The following PCDH15 variants were observed in gnomAD, a reference collection of about 807,000 sequenced individuals.
PCDH15 encodes the protein protocadherin related 15, also known as protocadherin-15.
A neutral mutation model predicts 178.5 loss-of-function variants in PCDH15; 129 were observed. The observed-to-expected ratio is 0.72, with a 90% confidence interval of 0.63 to 0.84. The LOEUF (loss-of-function observed/expected upper bound fraction) is 0.84. Among genes scored for constraint, PCDH15 ranks in the 40% least tolerant of loss-of-function variants. PCDH15 has a pLI of 0.00. For missense variants in PCDH15, 2,230 were observed against 2,099.9 expected (o/e 1.06, Z -1.21); for synonymous variants, 800 against 732.0 (o/e 1.09, Z -1.50).
At chr10:54,958,492 T>C (rs1838552402) in intron 2 of PCDH15, among the ~76,000 whole-genome samples, 1 of 151,846 alleles carries the variant, frequency 6.6e-6, no homozygotes, top group Non-Finnish European at 1.5e-5. Flanking sequence ...AACTGTTACT[T>C]GACTCTCCCA....
chr10:55,108,137 C>CA (rs1365719791), intron 2 of PCDH15, among the ~76,000 whole-genome samples: 1 of 152,022 alleles, frequency 6.6e-6, no homozygotes, highest in East Asian at 1.9e-4. Context: ...CATCAGACAC[C>CA]AAAATTGCTG....
At chr10:54,903,504 C>T (rs1279018439) in intron 2 of PCDH15, among the ~76,000 whole-genome samples, 1 of 151,228 alleles carries the variant, frequency 6.6e-6, no homozygotes, top group Non-Finnish European at 1.5e-5. Context: ...AATATTGTAA[C>T]TACAAAAACA....
chr10:53,809,442 T>G lies in PCDH15; in HGVS notation c.4671+1114A>C, dbSNP rs16937769. 6,825 of 1,614,020 alleles carry G rather than the reference T, an allele frequency of 4.2e-3. 148 individuals carry two copies. In the East Asian group the frequency reaches 0.057, roughly 14 times the overall value. On this transcript the variant is annotated intron_variant, in intron 37 of 37. Transcript: ENST00000644397. ...TTCTGGCTCTCTTCCATGTTGTGTA[T>G]GTAGGCTCAGCTGCTGGTGGTTTTT...
At chr10:54,012,040 T>G (rs1026086539) in intron 20 of PCDH15, among the ~76,000 whole-genome samples, 1 of 152,080 alleles carries the variant, frequency 6.6e-6, no homozygotes, top group East Asian at 1.9e-4. Flanking sequence ...AAACTAAGGA[T>G]TACAATAAAA....
intron 21 of PCDH15, among the ~76,000 whole-genome samples, chr10:53,980,989 T>G (rs931059786): frequency 1.3e-5 from 2 of 152,218 alleles, no homozygotes; most frequent in African/African-American, 2.4e-5. Context: ...TCCTTTTATC[T>G]GCTAAATTTG....
At chr10:54,239,190 A>C (rs1564760916) in intron 8 of PCDH15, among the ~76,000 whole-genome samples, 1 of 152,076 alleles carries the variant, frequency 6.6e-6, no homozygotes, top group East Asian at 1.9e-4. Context: ...ATTTCTATAG[A>C]TTTGCTAAGT....
chr10:55,226,783 T>C (rs1420420724), intron 1 of PCDH15, among the ~76,000 whole-genome samples: 1 of 151,944 alleles, frequency 6.6e-6, no homozygotes, highest in Non-Finnish European at 1.5e-5. Flanking sequence ...ACAGAAAATA[T>C]TTAAAAATCC....
intron 8 of PCDH15, among the ~76,000 whole-genome samples, chr10:54,311,541 C>T (rs2060909313): frequency 6.6e-6 from 1 of 151,932 alleles, no homozygotes; most frequent in Non-Finnish European, 1.5e-5. Flanking sequence ...TAAGAATAAA[C>T]ATACATAATA....
intron 17 of PCDH15, among the ~76,000 whole-genome samples, chr10:54,076,160 T>A (rs1287525727): frequency 6.6e-6 from 1 of 152,172 alleles, no homozygotes; most frequent in Admixed American, 6.5e-5. Context: ...GTTTTCATTA[T>A]ACAAGTCTTT....
chr10:53,973,093 A>G lies in PCDH15; in HGVS notation c.2869-11201T>C, dbSNP rs376766707. ...TAAGAAAATGTGGCACATATACACC[A>G]TGGAATACTCTGCAGCCATAAAAAA... On this transcript the variant is annotated intron_variant, in intron 21 of 37. Transcript: ENST00000644397. 7.6e-4 allele frequency among the ~76,000 whole-genome samples: 116 copies of G among 152,216 alleles called. 1 individual carries two copies. The South Asian group carries it at 0.018, about 24-fold the overall frequency.
intron 18 of PCDH15, among the ~76,000 whole-genome samples, chr10:54,031,061 T>C (rs1370795789): frequency 6.6e-6 from 1 of 151,958 alleles, no homozygotes; most frequent in Non-Finnish European, 1.5e-5. Flanking sequence ...GGTCAACGTA[T>C]CACCTATACT....
intron 2 of PCDH15, among the ~76,000 whole-genome samples, chr10:55,349,364 T>C (rs944994497): frequency 2.6e-5 from 4 of 152,198 alleles, no homozygotes; most frequent in African/African-American, 9.6e-5. Context: ...ATAGTTTTCA[T>C]GTATTTTTTC....
At chr10:54,189,443 T>C (rs1239675554) in intron 11 of PCDH15, 2 of 1,288,702 alleles carry the variant, frequency 1.6e-6, no homozygotes, top group East Asian at 5.5e-5. Flanking sequence ...CAACCGCACA[T>C]ATGAAGAAAA....
At chr10:54,548,533 T>C (rs1454361711) in intron 2 of PCDH15, among the ~76,000 whole-genome samples, 1 of 145,212 alleles carries the variant, frequency 6.9e-6, no homozygotes, top group Non-Finnish European at 1.5e-5. Flanking sequence ...TCTGTACCTT[T>C]ATATATATAT....
intron 3 of PCDH15, among the ~76,000 whole-genome samples, chr10:54,524,491 G>A (rs144596605): frequency 6.6e-6 from 1 of 152,156 alleles, no homozygotes; most frequent in Non-Finnish European, 1.5e-5. Context: ...TTGCTGTAAA[G>A]CAGCCAAGGA....
chr10:54,716,708 C>T (rs2132435029), intron 1 of PCDH15, among the ~76,000 whole-genome samples: 1 of 152,058 alleles, frequency 6.6e-6, no homozygotes, highest in Middle Eastern at 3.4e-3. Flanking sequence ...AGATTCAATG[C>T]CATCCCCATC....
intron 1 of PCDH15, among the ~76,000 whole-genome samples, chr10:55,261,582 C>G (rs1490130640): frequency 6.6e-6 from 1 of 152,106 alleles, no homozygotes; most frequent in East Asian, 1.9e-4. Flanking sequence ...CACTATTAAA[C>G]AAATACATCC....
intron 2 of PCDH15, among the ~76,000 whole-genome samples, chr10:55,533,125 C>G (rs1841491277): frequency 6.6e-6 from 1 of 152,044 alleles, no homozygotes; most frequent in African/African-American, 2.4e-5. Flanking sequence ...CAACATCATA[C>G]TGAATGGGCA....
At chr10:54,282,271 A>C (rs1436591401) in intron 8 of PCDH15, among the ~76,000 whole-genome samples, 2 of 152,084 alleles carry the variant, frequency 1.3e-5, no homozygotes, top group African/African-American at 4.8e-5. Flanking sequence ...TTTTAGTAGG[A>C]TCTTCAAGTG....
Sources: allele counts gnomAD v4.1 joint callset (sites outside exome capture counted in the v4.1 genomes callset), GRCh38; gene constraint gnomAD v4.1.1; transcripts MANE v1.5; gene names NCBI Gene and HGNC (gene_info 2026-07-23, HGNC 2026-07-21).